The following IDE variants were observed in gnomAD, a reference collection of about 807,000 sequenced individuals.
IDE encodes insulin-degrading enzyme.
In IDE, 58 loss-of-function variants were observed where a neutral mutation model predicts 133.2. The ratio of observed to expected loss-of-function variants is 0.44; its 90% CI spans 0.35 to 0.54. IDE has a LOEUF of 0.54. Ranked by LOEUF, IDE falls within the 20% of genes least tolerant of loss-of-function variation. IDE has a pLI of 0.00. For missense variants in IDE, 981 were observed against 1,234.0 expected (o/e 0.79, Z 3.07); for synonymous variants, 396 against 421.3 (o/e 0.94, Z 0.73).
chr10:92,494,228 AT>A (rs56276579), intron 11 of IDE, among the ~76,000 whole-genome samples: 87,914 of 130,634 alleles, frequency 0.67, 29,278 homozygotes, highest in East Asian at 0.73. Flanking sequence ...TACCCAGCCA[AT>A]TTTTTTTTTT....
At chr10:92,539,977 C>CA (rs1330777234) in intron 1 of IDE, among the ~76,000 whole-genome samples, 2 of 152,150 alleles carry the variant, frequency 1.3e-5, no homozygotes, top group Non-Finnish European at 2.9e-5. Flanking sequence ...CACAGTGACT[C>CA]ACGCCTGTAA....
rs775073694 is a variant in IDE, at chr10:92,531,799, A to G, written c.610T>C (p.Leu204=). ...TTAGGATTCCCTGTAGCTTTTTCCAATTGAAAGAGTCTCCAGGCATCATTC... is the reference window on the plus strand; with the variant it reads ...TTAGGATTCCCTGTAGCTTTTTCCAGTTGAAAGAGTCTCCAGGCATCATTC... The part of the protein sequence containing the change: ...VMNDAWRLFQ[L]EKATGNPKHP... Residue 204 remains leucine, a synonymous_variant, in exon 4 of 25, where the codon TTG becomes CTG. Coordinates refer to ENST00000265986, the MANE Select transcript of IDE (RefSeq NM_004969.4). The G allele has an allele frequency of 2.5e-6, 4 of 1,605,812 alleles. No individual in the cohort carries two copies. Among genetic ancestry groups the G allele is most frequent in the Admixed American group, 3.4e-5 (2 of 59,580 alleles).
intron 1 of IDE, among the ~76,000 whole-genome samples, chr10:92,561,597 CAA>C (rs1243124939): frequency 5.0e-5 from 6 of 120,166 alleles, no homozygotes; most frequent in Non-Finnish European, 1.8e-5. Context: ...AATAAAAATA[CAA>C]AAAAAAAAAA....
chr10:92,465,762 C>T lies in IDE; in HGVS notation c.2402G>A (p.Ser801Asn). The change falls in exon 20 of 25, where the codon AGC becomes AAC. Residue 801 changes from serine to asparagine, a missense_variant. Physicochemically the swap from Ser to Asn is conservative, Grantham distance 46 (BLOSUM62 1). Around this residue, in one of 2 missense-constraint regions of IDE, gnomAD observed 660 missense variants for 894.7 expected, o/e 0.74. Transcript: ENST00000265986. Reference protein sequence around the residue: ...IEIYYQTDMQSTSENMFLELF... With the variant: ...IEIYYQTDMQNTSENMFLELF... Reference sequence around the variant, plus strand: ...CTCCAGAAACATATTCTCTGAGGTGCTTTGCATGTCTGTTTGGTAGTATAT... The same window carrying T: ...CTCCAGAAACATATTCTCTGAGGTGTTTTGCATGTCTGTTTGGTAGTATAT... The T allele has an allele frequency of 6.2e-7, 1 of 1,613,812 alleles. No homozygotes were observed. The highest frequency in any genetic ancestry group is 8.5e-7 in the Non-Finnish European group (1 of 1,179,760).
intron 21 of IDE, 91 bp downstream of exon 21, chr10:92,463,640 A>G (rs550999863): frequency 1.0e-4 from 123 of 1,187,654 alleles, no homozygotes; most frequent in Non-Finnish European, 4.9e-6. Context: ...GTAACGGAAT[A>G]TCACCTACAA....
rs144336862 is a variant in IDE at position 92,452,857 on chromosome 10, A to G, written c.*1587T>C. 224 of 152,350 alleles carry G rather than the reference A, an allele frequency of 1.5e-3. No homozygotes were observed. Among genetic ancestry groups the G allele is most frequent in the African/African-American group, 4.4e-3 (182 of 41,578 alleles). The allele number at this position is 152,350 out of a possible 1,614,324, so 9.4% of individuals were successfully genotyped here. Reference sequence around the variant, plus strand: ...GATGATTTCACACACCTTCTGATGGATAAAGACAGGCTTCATATAAGGAGG... The same window carrying G: ...GATGATTTCACACACCTTCTGATGGGTAAAGACAGGCTTCATATAAGGAGG... On this transcript the variant is annotated 3_prime_UTR_variant, in exon 25 of 25. Transcript: ENST00000265986.
At chr10:92,493,094 C>A (rs945012980) in intron 11 of IDE, among the ~76,000 whole-genome samples, 10 of 152,150 alleles carry the variant, frequency 6.6e-5, no homozygotes, top group Admixed American at 2.0e-4. Flanking sequence ...TAAAAGAGTT[C>A]TATTATTGCG....
At chr10:92,458,559 T>C (rs1845170228) in intron 22 of IDE, among the ~76,000 whole-genome samples, 1 of 139,324 alleles carries the variant, frequency 7.2e-6, no homozygotes, top group South Asian at 2.3e-4. Flanking sequence ...TGGAGTGCAG[T>C]GGTGCTATCT....
At chr10:92,547,962 G>A (rs1312854097) in intron 1 of IDE, among the ~76,000 whole-genome samples, 1 of 151,982 alleles carries the variant, frequency 6.6e-6, no homozygotes, top group East Asian at 1.9e-4. Flanking sequence ...TGTTGCGCAG[G>A]CTGAACTTGA....
At chr10:92,570,363 A>G (rs1843727972) in intron 1 of IDE, among the ~76,000 whole-genome samples, 2 of 152,210 alleles carry the variant, frequency 1.3e-5, no homozygotes, top group African/African-American at 4.8e-5. Context: ...TTATCTTTGC[A>G]TTTACATAGT....
intron 1 of IDE, among the ~76,000 whole-genome samples, chr10:92,550,650 CAAAAAA>C (rs71028826): frequency 3.5e-5 from 2 of 57,428 alleles, no homozygotes; most frequent in Non-Finnish European, 6.1e-5. Flanking sequence ...GACTCCGTCT[CAAAAAA>C]AAAAAAAAAA....
intron 1 of IDE, among the ~76,000 whole-genome samples, chr10:92,538,031 C>T (rs1054199504): frequency 6.6e-6 from 1 of 152,020 alleles, no homozygotes; most frequent in Non-Finnish European, 1.5e-5. Context: ...CAACACCACA[C>T]CCAGTTAATT....
chr10:92,482,337 CAAAT>C (rs1264225316), intron 14 of IDE, among the ~76,000 whole-genome samples: 3 of 152,068 alleles, frequency 2.0e-5, no homozygotes, highest in Non-Finnish European at 4.4e-5. Context: ...GATTAACACA[CAAAT>C]AAGTAAAGGA....
intron 22 of IDE, among the ~76,000 whole-genome samples, chr10:92,458,490 G>GTTTT (rs71028821): frequency 0.025 from 2,097 of 83,762 alleles, 305 homozygotes; most frequent in Non-Finnish European, 0.033. Flanking sequence ...TACTCTCTCT[G>GTTTT]TTTTTTTTTT....
At chr10:92,527,264 A>G (rs1014027061) in intron 4 of IDE, among the ~76,000 whole-genome samples, 1 of 151,964 alleles carries the variant, frequency 6.6e-6, no homozygotes, top group African/African-American at 2.4e-5. Flanking sequence ...AAGTTTCCAT[A>G]TGTTTGTGGA....
At chr10:92,470,226 A>G (rs760019418) in intron 18 of IDE, 28 bp downstream of exon 18, 7 of 1,460,200 alleles carry the variant, frequency 4.8e-6, no homozygotes, top group South Asian at 1.2e-5. Context: ...ATGATCCACA[A>G]AAGATTGCTA....
At chr10:92,458,604 T>C (rs1845173190) in intron 22 of IDE, among the ~76,000 whole-genome samples, 1 of 145,540 alleles carries the variant, frequency 6.9e-6, no homozygotes, top group Admixed American at 7.3e-5. Flanking sequence ...TGGGTTCAAG[T>C]GATTCTCCTG....
At chr10:92,483,412 A>G (rs1564612559) in intron 13 of IDE, 75 bp from the exon 14 acceptor site, 3 of 799,838 alleles carry the variant, frequency 3.8e-6, no homozygotes, top group East Asian at 2.5e-5. Flanking sequence ...TCACTCTTCA[A>G]GAGGAGGAGG....
chr10:92,532,994 T>C (rs947638547), intron 3 of IDE, among the ~76,000 whole-genome samples: 7 of 152,236 alleles, frequency 4.6e-5, no homozygotes, highest in African/African-American at 1.7e-4. Flanking sequence ...CTGGAGTCTA[T>C]AATCAAAGAT....
Sources: gnomAD v4.1 joint callset for allele counts (sites outside exome capture counted in the v4.1 genomes callset) on GRCh38, gnomAD v4.1.1 for gene constraint, gnomAD v4.1.1 regional missense constraint, MANE v1.5 for transcripts, NCBI Gene and HGNC (gene_info 2026-07-23, HGNC 2026-07-21) for gene names.